CELSR1: variants seen among roughly 807,000 people sequenced by gnomAD.
CELSR1 encodes the protein adhesion G protein-coupled receptor C1.
Under a neutral mutation model 249.1 loss-of-function variants are expected in CELSR1, and 110 were observed. The ratio of observed to expected loss-of-function variants is 0.44; its 90% CI spans 0.38 to 0.52. CELSR1 has a LOEUF of 0.52. Ranked by LOEUF, CELSR1 falls within the 20% of genes least tolerant of loss-of-function variation. The pLI is 0.00. For missense variants in CELSR1, 4,109 were observed against 4,296.4 expected (o/e 0.96, Z 1.22); for synonymous variants, 2,113 against 1,900.0 (o/e 1.11, Z -2.92).
intron 2 of CELSR1, among the ~76,000 whole-genome samples, chr22:46,442,829 C>T (rs1016233240): frequency 1.8e-4 from 28 of 152,118 alleles, no homozygotes; most frequent in South Asian, 6.2e-4. Flanking sequence ...CGGTGGCTCA[C>T]GCCTGTAATC....
At chr22:46,475,456 C>T (rs2080198566) in intron 1 of CELSR1, among the ~76,000 whole-genome samples, 1 of 151,884 alleles carries the variant, frequency 6.6e-6, no homozygotes, top group Non-Finnish European at 1.5e-5. Flanking sequence ...TGGTGAGTGC[C>T]AGGGACTAGG....
Position 46,365,654 on chromosome 22 carries a change from C to T in CELSR1, c.8336G>A (p.Gly2779Glu), listed in dbSNP as rs777804762. 1.3e-6 allele frequency: 2 copies of T among 1,587,320 alleles called. No individual in the cohort carries two copies. The highest frequency in any genetic ancestry group is 1.1e-5 in the South Asian group (1 of 86,974). The part of the protein sequence containing the change: ...EGIQKLGVSS[G>E]LVRGSHGEPD... ...CTCTCCGTGGCTGCCCCTCACCAGCCCAGAGGACACGCCGAGCTTCTGGAT... is the reference window on the plus strand; with the variant it reads ...CTCTCCGTGGCTGCCCCTCACCAGCTCAGAGGACACGCCGAGCTTCTGGAT... Residue 2779 changes from glycine to glutamate, a missense_variant, in exon 31 of 35, where the codon GGG becomes GAG. Around this residue, in one of 7 missense-constraint regions of CELSR1, gnomAD observed 1,805 missense variants for 1,831.6 expected, o/e 0.99. Transcript: ENST00000674500.
chr22:46,465,656 C>CCT (rs1159284177), intron 1 of CELSR1, among the ~76,000 whole-genome samples: 3 of 152,236 alleles, frequency 2.0e-5, no homozygotes, highest in African/African-American at 7.2e-5. Flanking sequence ...TTTCCCAGCA[C>CCT]CAGGAGCCAC....
Position 46,535,001 on chromosome 22 carries a change from G to C in CELSR1, c.2170C>G (p.Leu724Val), listed in dbSNP as rs1467448136. 6.2e-7 allele frequency: 1 copy of C among 1,612,118 alleles called. No individual in the cohort carries two copies. Among genetic ancestry groups the C allele is most frequent in the Non-Finnish European group, 8.5e-7 (1 of 1,179,540 alleles). ...CGGTTCCGGGTGTTGCCGCCTGTGA[G>C]CTGGTAGGTAATCACACTGTTGGCG... is the stretch of plus-strand genomic sequence containing the variant. Reference protein sequence around the residue: ...RDANSVITYQLTGGNTRNRFA... With the variant: ...RDANSVITYQVTGGNTRNRFA... The change falls in exon 1 of 35, where the codon CTC becomes GTC. Residue 724 changes from leucine to valine, a missense_variant. This residue lies in a region of CELSR1 where 886 missense variants were observed against 896.5 expected (regional missense o/e 0.99). Coordinates refer to ENST00000674500, the MANE Select transcript of CELSR1 (RefSeq NM_001378328.1).
chr22:46,414,520 T>A (rs8136851), intron 5 of CELSR1, among the ~76,000 whole-genome samples: 2,281 of 149,984 alleles, frequency 0.015, 51 homozygotes, highest in Middle Eastern at 0.05. Flanking sequence ...AGTGTGGGTT[T>A]AACGCGCAGG....
intron 18 of CELSR1, among the ~76,000 whole-genome samples, chr22:46,386,958 A>G (rs1189495891): frequency 1.3e-5 from 2 of 152,102 alleles, no homozygotes; most frequent in Non-Finnish European, 2.9e-5. Context: ...GGGCTTCACC[A>G]TGTTGGCCAG....
intron 1 of CELSR1, among the ~76,000 whole-genome samples, chr22:46,485,929 C>CTTTTTT (rs77749125): frequency 9.5e-6 from 1 of 104,784 alleles, no homozygotes; most frequent in African/African-American, 5.2e-5. Context: ...CTTTCAGGTA[C>CTTTTTT]TTTTTTTTTT....
rs1017578306 is a variant in CELSR1, at chr22:46,526,685, G to A, written c.3544+6942C>T. 6.6e-6 allele frequency among the ~76,000 whole-genome samples: 1 copy of A among 152,144 alleles called. No individual in the cohort carries two copies. The highest frequency in any genetic ancestry group is 1.5e-5 in the Non-Finnish European group (1 of 68,040). On this transcript the variant is annotated intron_variant, in intron 1 of 34. Transcript: ENST00000674500. The surrounding 1 kb of genome is among the most constrained non-coding windows in gnomAD (Gnocchi z 4.7). ...ACCCGTGGGCCCTCCCCTGCACGTG[G>A]TTATTCCTGCTCCAGCTCCCAAGCA... is the stretch of plus-strand genomic sequence containing the variant.
Position 46,363,394 on chromosome 22 carries a change from T to C in CELSR1, c.9036-147A>G. 3.1e-6 allele frequency: 2 copies of C among 637,202 alleles called. No homozygotes were observed. The highest frequency in any genetic ancestry group is 5.5e-6 in the Non-Finnish European group (2 of 364,980). 39.5% of individuals were successfully genotyped at this position (637,202 alleles called of 1,614,324 possible). ...GGCTCCAGGGAGGGCAAGCTCATGT[T>C]GGATGAGGCTGCCCTTGGGAGGCAG... On this transcript the variant is annotated intron_variant, in intron 34 of 34. Transcript: ENST00000674500. This position sits in a 1 kb window ranked among gnomAD's most constrained non-coding sequence, Gnocchi z 4.3.
At chr22:46,422,222 C>T (rs1602113605) in intron 5 of CELSR1, among the ~76,000 whole-genome samples, 2 of 152,182 alleles carry the variant, frequency 1.3e-5, no homozygotes, top group Admixed American at 6.5e-5. Context: ...TCTCCTGCCT[C>T]AGCCTCCCGA....
rs981403815 is a variant in CELSR1 at position 46,428,953 on chromosome 22, G to A, written c.4611+4440C>T. ...GAAGATGCCCAGGTCAGGTGGACAC[G>A]AGCCACCCTTGCTTCCCCAGGGCCC... On this transcript the variant is annotated intron_variant, in intron 5 of 34. Transcript: ENST00000674500. The surrounding 1 kb of genome is among the most constrained non-coding windows in gnomAD (Gnocchi z 5.7). 5.3e-5 allele frequency among the ~76,000 whole-genome samples: 8 copies of A among 152,180 alleles called. No homozygotes were observed. Among genetic ancestry groups the A allele is most frequent in the African/African-American group, 1.9e-4 (8 of 41,448 alleles).
At position 46,535,528 on chromosome 22, in the gene CELSR1, G is replaced by A. The variant is rs2080843529; in HGVS notation, c.1643C>T (p.Ser548Leu). Residue 548 changes from serine to leucine, a missense_variant, in exon 1 of 35, where the codon TCA (serine) becomes TTA (leucine). Transcript: ENST00000674500. The part of the protein sequence containing the change: ...DGGRPPLINS[S>L]GVVSVQVLDV... ...CAGCACCTGCACAGACACCACCCCT[G>A]AAGAATTGATGAGCGGGGGCCGGCC... 13 of 1,613,162 alleles carry A rather than the reference G, an allele frequency of 8.1e-6. No individual in the cohort carries two copies. Among genetic ancestry groups the A allele is most frequent in the African/African-American group, 1.3e-5 (1 of 74,944 alleles).
chr22:46,458,725 T>C (rs2079985415), intron 2 of CELSR1, among the ~76,000 whole-genome samples: 1 of 152,158 alleles, frequency 6.6e-6, no homozygotes, highest in Admixed American at 6.5e-5. Flanking sequence ...AGTCGAATCC[T>C]GGCCCCGCCC....
In CELSR1 at chr22:46,412,711, T is replaced by G. The variant is rs1187352992; in HGVS notation, c.4612-952A>C. 1.3e-5 allele frequency among the ~76,000 whole-genome samples: 2 copies of G among 152,140 alleles called. No homozygotes were observed. The highest frequency in any genetic ancestry group is 1.5e-5 in the Non-Finnish European group (1 of 68,014). On this transcript the variant is annotated intron_variant, in intron 5 of 34. Coordinates refer to ENST00000674500, the MANE Select transcript of CELSR1 (RefSeq NM_001378328.1). This position sits in a 1 kb window ranked among gnomAD's most constrained non-coding sequence, Gnocchi z 4.5. ...TCCACCCAGCCAGCCTCAGACGCCC[T>G]TCCAGGAGGAAAAGCAGCACCCGCC...
intron 5 of CELSR1, among the ~76,000 whole-genome samples, chr22:46,419,182 G>A (rs924453860): frequency 6.6e-6 from 1 of 152,198 alleles, no homozygotes; most frequent in Non-Finnish European, 1.5e-5. Flanking sequence ...TCTGCGGCCA[G>A]GCTACTCCCC....
rs1277044443 is a variant in CELSR1 at position 46,367,063 on chromosome 22, AGGTGCTTCC to A, written c.8126_8134del (p.Arg2709_His2711del). 1 of 1,611,288 alleles carries A rather than the reference AGGTGCTTCC, an allele frequency of 6.2e-7. No individual in the cohort carries two copies. Among genetic ancestry groups the A allele is most frequent in the Non-Finnish European group, 8.5e-7 (1 of 1,179,642 alleles). On this transcript the variant is annotated inframe_deletion, in exon 29 of 35. Coordinates refer to ENST00000674500, the MANE Select transcript of CELSR1 (RefSeq NM_001378328.1). ...CTTCCTCCCGCCGAGCACGCCCTTC[AGGTGCTTCC>A]GGACCTCCTGGTTGAGCACGCAGTG... is the stretch of plus-strand genomic sequence containing the variant.
intron 14 of CELSR1, 132 bp downstream of exon 14, chr22:46,394,010 T>G: frequency 8.7e-7 from 1 of 1,150,872 alleles, no homozygotes; most frequent in Non-Finnish European, 1.2e-6. Flanking sequence ...GTGATGTGAG[T>G]GGGCACAGGT....
In CELSR1 at chr22:46,433,866, G is replaced by C. The variant is rs2147435281; in HGVS notation, c.4523-385C>G. 6.6e-6 allele frequency among the ~76,000 whole-genome samples: 1 copy of C among 152,274 alleles called. No homozygotes were observed. Among genetic ancestry groups the C allele is most frequent in the East Asian group, 1.9e-4 (1 of 5,166 alleles). ...CACCCGGCTAATTTTTGTATTTTTA[G>C]TAGAGATGGGGTTTCACCATGTTGG... On this transcript the variant is annotated intron_variant, in intron 4 of 34. Coordinates refer to ENST00000674500, the MANE Select transcript of CELSR1 (RefSeq NM_001378328.1). The surrounding 1 kb of genome is among the most constrained non-coding windows in gnomAD (Gnocchi z 5.7).
rs148451995 is a variant in CELSR1, at chr22:46,373,015, T to C, written c.7627A>G (p.Met2543Val). 2.2e-4 allele frequency: 362 copies of C among 1,612,212 alleles called. No individual in the cohort carries two copies. The highest frequency in any genetic ancestry group is 5.4e-4 in the South Asian group (49 of 90,908). The change falls in exon 25 of 35, where the codon ATG becomes GTG. Residue 2543 changes from methionine (M) to valine (V), a missense_variant. Physicochemically the swap from Met to Val is conservative, Grantham distance 21. This residue lies in a region of CELSR1 where 1,805 missense variants were observed against 1,831.6 expected (regional missense o/e 0.99). Transcript: ENST00000674500. ...ACGAGGGTCCAGGCAAAGGTGCTCA[T>C]GTAGATGTAGTGGAGGAGGATGGCA... ...VVAILLHYIY[M>V]STFAWTLVES...
Sources: gnomAD v4.1 joint callset for allele counts (sites outside exome capture counted in the v4.1 genomes callset) on GRCh38, gnomAD v4.1.1 for gene constraint, gnomAD v4.1.1 regional missense constraint, Gnocchi (gnomAD v3.1) non-coding constraint, MANE v1.5 for transcripts, NCBI Gene and HGNC (gene_info 2026-07-23, HGNC 2026-07-21) for gene names.